KCNH7: variants seen among roughly 807,000 people sequenced by gnomAD.
The protein encoded by KCNH7 is voltage-gated inwardly rectifying potassium channel KCNH7.
A neutral mutation model predicts 120.8 loss-of-function variants in KCNH7; 49 were observed. The ratio of observed to expected loss-of-function variants is 0.41; its 90% CI spans 0.32 to 0.51. The LOEUF (loss-of-function observed/expected upper bound fraction) is 0.51. Among genes scored for constraint, KCNH7 ranks in the 20% least tolerant of loss-of-function variants. The pLI, the probability that KCNH7 is intolerant of heterozygous loss-of-function variation, is 0.38. For synonymous variants in KCNH7, 547 were observed against 516.1 expected (o/e 1.06, Z -0.81); for missense variants, 1,097 against 1,446.6 (o/e 0.76, Z 3.92).
chr2:162,698,631 G>A (rs549467651), intron 2 of KCNH7, among the ~76,000 whole-genome samples: 1 of 152,122 alleles, frequency 6.6e-6, no homozygotes, highest in African/African-American at 2.4e-5. Context: ...ACATCAAACA[G>A]ACCTGTAATT....
At chr2:162,430,709 A>G (rs1688035732) in intron 8 of KCNH7, among the ~76,000 whole-genome samples, 1 of 151,944 alleles carries the variant, frequency 6.6e-6, no homozygotes, top group Admixed American at 6.6e-5. Context: ...GTAAGGTTTT[A>G]GTAACTCCAT....
chr2:162,836,817 C>T lies in KCNH7; in HGVS notation c.77-50G>A, dbSNP rs780242006. 5 of 1,311,058 alleles carry T rather than the reference C, an allele frequency of 3.8e-6. No homozygotes were observed. In the African/African-American group the frequency reaches 5.9e-5, roughly 15 times the overall value. The allele number at this position is 1,311,058 out of a possible 1,614,324, so 81.2% of individuals were successfully genotyped here. ...TCTTTGAAAAAGCTTCCACAATATT[C>T]TCCGTAACACTGAAGCAATTTGTTG... On this transcript the variant is annotated intron_variant, in intron 1 of 15. Coordinates refer to ENST00000332142, the MANE Select transcript of KCNH7 (RefSeq NM_033272.4).
intron 2 of KCNH7, among the ~76,000 whole-genome samples, chr2:162,598,680 A>G (rs545501667): frequency 1.3e-5 from 2 of 152,272 alleles, no homozygotes; most frequent in South Asian, 4.1e-4. Flanking sequence ...TACATTGAAT[A>G]TGCCAAATGA....
In KCNH7 at chr2:162,451,681, G is replaced by T. The variant is rs543070455; in HGVS notation, c.1129-5238C>A. 2.5e-4 allele frequency among the ~76,000 whole-genome samples: 38 copies of T among 152,058 alleles called. 1 individual carries two copies. The South Asian group carries it at 7.2e-3, about 29-fold the overall frequency. On this transcript the variant is annotated intron_variant, in intron 6 of 15. Transcript: ENST00000332142. ...TCACCCAAGATGCTGGAGTGGCTGG[G>T]TCTCTCTCTATATATGTAGATAGAT...
chr2:162,496,220 G>A (rs1690493375), intron 6 of KCNH7, among the ~76,000 whole-genome samples: 1 of 152,082 alleles, frequency 6.6e-6, no homozygotes, highest in Non-Finnish European at 1.5e-5. Flanking sequence ...GCCGTTGGGG[G>A]TCTCCACTCC....
chr2:162,592,156 C>T (rs78538625), intron 2 of KCNH7, among the ~76,000 whole-genome samples: 12 of 152,094 alleles, frequency 7.9e-5, no homozygotes, highest in African/African-American at 2.7e-4. Context: ...ATTCAAGTCT[C>T]CCACAGCTTA....
chr2:162,396,053 C>G (rs763920733), intron 11 of KCNH7, among the ~76,000 whole-genome samples: 1 of 151,622 alleles, frequency 6.6e-6, no homozygotes, highest in Non-Finnish European at 1.5e-5. Flanking sequence ...TTGGTTACAA[C>G]GTAAGTTTTA....
intron 12 of KCNH7, among the ~76,000 whole-genome samples, chr2:162,390,903 C>T (rs1334755038): frequency 6.6e-6 from 1 of 151,930 alleles, no homozygotes; most frequent in Admixed American, 6.6e-5. Flanking sequence ...AGAGGCTGTA[C>T]ATATTTCATT....
chr2:162,681,522 T>G (rs1012458845), intron 2 of KCNH7, among the ~76,000 whole-genome samples: 1 of 151,798 alleles, frequency 6.6e-6, no homozygotes, highest in South Asian at 2.1e-4. Flanking sequence ...TAAGAGAAAA[T>G]AGAAAAATGT....
intron 6 of KCNH7, among the ~76,000 whole-genome samples, chr2:162,481,975 TC>T (rs1302399483): frequency 6.7e-6 from 1 of 149,528 alleles, no homozygotes; most frequent in East Asian, 1.9e-4. Context: ...CATCTATCTA[TC>T]TATCTATCTA....
At chr2:162,810,211 G>A (rs1358862804) in intron 2 of KCNH7, among the ~76,000 whole-genome samples, 1 of 151,318 alleles carries the variant, frequency 6.6e-6, no homozygotes, top group Non-Finnish European at 1.5e-5. Flanking sequence ...CACCGCGCCC[G>A]GCCTCACCTA....
intron 2 of KCNH7, among the ~76,000 whole-genome samples, chr2:162,740,387 C>T (rs146480755): frequency 1.2e-3 from 185 of 152,274 alleles, no homozygotes; most frequent in African/African-American, 4.2e-3. Flanking sequence ...AGTGAGCCCA[C>T]GGCTTCTTCC....
intron 2 of KCNH7, among the ~76,000 whole-genome samples, chr2:162,691,399 C>T (rs185787509): frequency 1.7e-4 from 26 of 152,142 alleles, no homozygotes; most frequent in Admixed American, 1.1e-3. Flanking sequence ...TGAATTTTTA[C>T]CTATAAACTC....
chr2:162,717,834 A>T (rs1320381216), intron 2 of KCNH7, among the ~76,000 whole-genome samples: 1 of 152,092 alleles, frequency 6.6e-6, no homozygotes, highest in Non-Finnish European at 1.5e-5. Flanking sequence ...TATTACTTGA[A>T]AAGTACAATT....
chr2:162,421,180 G>A (rs905918197), intron 9 of KCNH7, among the ~76,000 whole-genome samples: 2 of 152,018 alleles, frequency 1.3e-5, no homozygotes, highest in Non-Finnish European at 2.9e-5. Context: ...GCGGCACATG[G>A]TTTAGAGCTC....
At position 162,427,179 on chromosome 2, in the gene KCNH7, G is replaced by A. The variant is rs145242626; in HGVS notation, c.1955-3644C>T. ...TGGCTATTATGAATAAAACTGCCAT[G>A]AACACTTGTATACAAGTCTTTGTGT... On this transcript the variant is annotated intron_variant, in intron 8 of 15. Transcript: ENST00000332142. 4.9e-3 allele frequency among the ~76,000 whole-genome samples: 741 copies of A among 151,960 alleles called. 8 individuals are homozygous for A. The highest frequency in any genetic ancestry group is 0.017 in the African/African-American group (718 of 41,480).
chr2:162,557,956 A>T (rs1692915860), intron 2 of KCNH7, among the ~76,000 whole-genome samples: 1 of 152,178 alleles, frequency 6.6e-6, no homozygotes, highest in African/African-American at 2.4e-5. Flanking sequence ...TTCAAAGTTA[A>T]TAAAAGAGGG....
At chr2:162,730,610 C>G (rs1687689968) in intron 2 of KCNH7, among the ~76,000 whole-genome samples, 1 of 151,876 alleles carries the variant, frequency 6.6e-6, no homozygotes, top group Admixed American at 6.6e-5. Flanking sequence ...TCCAAATATC[C>G]TCCCTCCAAA....
chr2:162,644,288 C>G (rs992334158), intron 2 of KCNH7, among the ~76,000 whole-genome samples: 3 of 151,836 alleles, frequency 2.0e-5, no homozygotes, highest in African/African-American at 7.3e-5. Context: ...AGTGGTGTGT[C>G]TTTTTAGTAC....
Sources: allele counts gnomAD v4.1 joint callset (sites outside exome capture counted in the v4.1 genomes callset), GRCh38; gene constraint gnomAD v4.1.1; transcripts MANE v1.5; gene names NCBI Gene and HGNC (gene_info 2026-07-23, HGNC 2026-07-21).